Variants in AOC1 observed in about 807,000 individuals in gnomAD.
AOC1 encodes diamine oxidase [copper-containing].
Under a neutral mutation model 57.1 loss-of-function variants are expected in AOC1, and 58 were observed. The ratio of observed to expected loss-of-function variants is 1.02; its 90% CI spans 0.82 to 1.26. The LOEUF is 1.26. Among genes scored for constraint, AOC1 ranks in the 50% most tolerant of loss-of-function variants. The pLI is 0.00. For missense variants in AOC1, 917 were observed against 1,005.3 expected, an observed-to-expected ratio of 0.91 and a Z score of 1.19; for synonymous variants, 401 against 423.4, an observed-to-expected ratio of 0.95 and a Z score of 0.65.
chr7:150,853,134 G>A (rs1799668203), intron 1 of AOC1, among the ~76,000 whole-genome samples: 1 of 152,222 alleles, frequency 6.6e-6, no homozygotes, highest in African/African-American at 2.4e-5. Context: ...AAGAGGTGGA[G>A]CACAGAAGAT....
In AOC1 at chr7:150,857,171, A is replaced by G. The variant is rs758263478; in HGVS notation, c.701A>G (p.Glu234Gly). The G allele has an allele frequency of 2.5e-6, 4 of 1,613,672 alleles. No homozygotes were observed. In the African/African-American group the frequency reaches 5.3e-5, roughly 22 times the overall value. Residue 234 changes from glutamate (E) to glycine (G), a missense_variant, in exon 2 of 5, where the codon GAG (glutamate) becomes GGG (glycine). Coordinates refer to ENST00000360937, the MANE Select transcript of AOC1 (RefSeq NM_001091.4). This position sits in a 1 kb window ranked among gnomAD's most constrained non-coding sequence, Gnocchi z 6.6. Reference sequence around the variant, plus strand: ...ACAGATGCTGGGCACTGGGCCGTGGAGCAGGTGTGGTACAACGGGAAGTTC... The same window carrying G: ...ACAGATGCTGGGCACTGGGCCGTGGGGCAGGTGTGGTACAACGGGAAGTTC... ...GSTDAGHWAV[E>G]QVWYNGKFYG...
Position 150,857,807 on chromosome 7 carries a change from AG to A in AOC1, c.1340del (p.Gly447AlafsTer28). The part of the protein sequence containing the change: ...KGGFNFYAGL[K>X]GQVLVLRTTS... ...GGCTTCAACTTCTATGCGGGGCTGA[AG>A]GGCCAGGTGCTGGTGCTGCGGACAA... is the stretch of plus-strand genomic sequence containing the variant. On this transcript the variant is annotated frameshift_variant, in exon 2 of 5. Coordinates refer to ENST00000360937, the MANE Select transcript of AOC1 (RefSeq NM_001091.4). LOFTEE classifies it high-confidence loss of function. This position sits in a 1 kb window ranked among gnomAD's most constrained non-coding sequence, Gnocchi z 6.6. 1 of 1,614,184 alleles carries A rather than the reference AG, an allele frequency of 6.2e-7. No homozygotes were observed. The highest frequency in any genetic ancestry group is 8.5e-7 in the Non-Finnish European group (1 of 1,179,996).
Position 150,857,087 on chromosome 7 carries a change from A to G in AOC1, c.617A>G (p.Tyr206Cys). Reference protein sequence around the residue: ...QRRSWLIIQRYVEGYFLHPTG... With the variant: ...QRRSWLIIQRCVEGYFLHPTG... The stretch of plus-strand genomic sequence containing the variant: ...CGCAGTTGGCTTATCATACAGCGCT[A>G]TGTAGAAGGCTACTTTCTGCACCCC... Residue 206 changes from tyrosine to cysteine, a missense_variant, in exon 2 of 5, where the codon TAT becomes TGT. Tyr to Cys is a radical substitution (Grantham distance 194). Coordinates refer to ENST00000360937, the MANE Select transcript of AOC1 (RefSeq NM_001091.4). The surrounding 1 kb of genome is among the most constrained non-coding windows in gnomAD (Gnocchi z 6.6). 6.2e-7 allele frequency: 1 copy of G among 1,614,062 alleles called. No homozygotes were observed. The highest frequency in any genetic ancestry group is 8.5e-7 in the Non-Finnish European group (1 of 1,179,994).
intron 3 of AOC1, chr7:150,859,980 AC>A (rs1317710212): frequency 6.4e-6 from 1 of 156,108 alleles, no homozygotes; most frequent in Non-Finnish European, 1.4e-5. Context: ...GGAGTTCGAG[AC>A]CAGCCTGGCC....
rs1799803032 is a variant in AOC1, at chr7:150,857,108, AC to A, written c.642del (p.Thr215LeufsTer83). 6.2e-7 allele frequency: 1 copy of A among 1,614,006 alleles called. No homozygotes were observed. Among genetic ancestry groups the A allele is most frequent in the Non-Finnish European group, 8.5e-7 (1 of 1,179,990 alleles). ...CGCTATGTAGAAGGCTACTTTCTGC[AC>A]CCCACTGGGCTGGAGCTCCTCGTGG... ...IQRYVEGYFL[H>X]PTGLELLVDH... is the part of the protein sequence containing the mutation. On this transcript the variant is annotated frameshift_variant, in exon 2 of 5. Coordinates refer to ENST00000360937, the MANE Select transcript of AOC1 (RefSeq NM_001091.4). LOFTEE classifies it high-confidence loss of function. The surrounding 1 kb of genome is among the most constrained non-coding windows in gnomAD (Gnocchi z 6.6).
Position 150,857,829 on chromosome 7 carries a change from GACA to G in AOC1, c.1362_1364del (p.Thr455del), listed in dbSNP as rs1353136019. 2 of 1,614,036 alleles carry G rather than the reference GACA, an allele frequency of 1.2e-6. No individual in the cohort carries two copies. The highest frequency in any genetic ancestry group is 1.7e-6 in the Non-Finnish European group (2 of 1,179,980). Reference sequence around the variant, plus strand: ...TGAAGGGCCAGGTGCTGGTGCTGCGGACAACTTCAACTGTCTACAATTATGATT... The same window carrying G: ...TGAAGGGCCAGGTGCTGGTGCTGCGGACTTCAACTGTCTACAATTATGATT... On this transcript the variant is annotated inframe_deletion, in exon 2 of 5. Transcript: ENST00000360937. The surrounding 1 kb of genome is among the most constrained non-coding windows in gnomAD (Gnocchi z 6.6).
intron 3 of AOC1, among the ~76,000 whole-genome samples, chr7:150,859,306 C>A (rs1419107371): frequency 6.6e-6 from 1 of 152,138 alleles, no homozygotes; most frequent in East Asian, 1.9e-4. Flanking sequence ...TAACCGGAAG[C>A]CTTACCACTA....
chr7:150,860,373 C>CA (rs897171031), intron 3 of AOC1, 128 bp from the exon 4 acceptor site: 34 of 1,517,464 alleles, frequency 2.2e-5, no homozygotes, highest in Non-Finnish European at 2.9e-5. Flanking sequence ...ACTCCCAGGA[C>CA]AGATGATCTG....
intron 1 of AOC1, among the ~76,000 whole-genome samples, chr7:150,855,717 GGCTGGTGTCGATA>G (rs1799750351): frequency 6.6e-6 from 1 of 152,272 alleles, no homozygotes; most frequent in South Asian, 2.1e-4. Flanking sequence ...ACTTTAAATG[GGCTGGTGTCGATA>G]GCCTGTATTT....
At position 150,857,683 on chromosome 7, in the gene AOC1, G is replaced by T. The variant is rs565478682; in HGVS notation, c.1213G>T (p.Asp405Tyr). 8.7e-6 allele frequency: 14 copies of T among 1,614,096 alleles called. No individual in the cohort carries two copies. Among genetic ancestry groups the T allele is most frequent in the East Asian group, 2.2e-5 (1 of 44,870 alleles). Reference protein sequence around the residue: ...ATFLDTFHYYDADDPVHYPRA... With the variant: ...ATFLDTFHYYYADDPVHYPRA... ...CTTCCTGGACACTTTCCACTACTAT[G>T]ATGCCGATGACCCGGTCCATTATCC... The change falls in exon 2 of 5, where the codon GAT (aspartate) becomes TAT (tyrosine). Residue 405 changes from aspartate to tyrosine, a missense_variant. Asp to Tyr is a radical substitution (Grantham distance 160). Transcript: ENST00000360937. This position sits in a 1 kb window ranked among gnomAD's most constrained non-coding sequence, Gnocchi z 6.6.
Position 150,857,175 on chromosome 7 carries a change from G to T in AOC1, c.705G>T (p.Gln235His), listed in dbSNP as rs750624280. The T allele has an allele frequency of 3.7e-6, 6 of 1,613,714 alleles. No individual in the cohort carries two copies. In the Admixed American group the frequency reaches 1.0e-4, roughly 27 times the overall value. Residue 235 changes from glutamine to histidine, a missense_variant, in exon 2 of 5, where the codon CAG becomes CAT. Coordinates refer to ENST00000360937, the MANE Select transcript of AOC1 (RefSeq NM_001091.4). This position sits in a 1 kb window ranked among gnomAD's most constrained non-coding sequence, Gnocchi z 6.6. ...ATGCTGGGCACTGGGCCGTGGAGCA[G>T]GTGTGGTACAACGGGAAGTTCTATG... ...STDAGHWAVE[Q>H]VWYNGKFYGS... is the part of the protein sequence containing the mutation.
chr7:150,857,233 G>A lies in AOC1; in HGVS notation c.763G>A (p.Asp255Asn). 1 of 1,612,484 alleles carries A rather than the reference G, an allele frequency of 6.2e-7. No individual in the cohort carries two copies. The highest frequency in any genetic ancestry group is 8.5e-7 in the Non-Finnish European group (1 of 1,179,082). Residue 255 changes from aspartate to asparagine, a missense_variant, in exon 2 of 5, where the codon GAT (aspartate) becomes AAT (asparagine). Transcript: ENST00000360937. The surrounding 1 kb of genome is among the most constrained non-coding windows in gnomAD (Gnocchi z 6.6). The part of the protein sequence containing the change: ...SPEELARKYA[D>N]GEVDVVVLED... ...AGAGGAACTGGCTCGGAAGTATGCA[G>A]ATGGAGAGGTGGACGTGGTGGTCCT... is the stretch of plus-strand genomic sequence containing the variant.
At chr7:150,859,077 G>C in intron 3 of AOC1, 29 bp downstream of exon 3, 1 of 1,513,214 alleles carries the variant, frequency 6.6e-7, no homozygotes, top group Non-Finnish European at 8.9e-7. Flanking sequence ...GCCTGGGGGA[G>C]GGTCAGTGGC....
intron 1 of AOC1, among the ~76,000 whole-genome samples, chr7:150,853,426 C>A (rs1799676355): frequency 6.6e-6 from 1 of 151,576 alleles, no homozygotes; most frequent in Non-Finnish European, 1.5e-5. Flanking sequence ...TTAAAAGACT[C>A]CTATTTAAAA....
At chr7:150,860,114 G>T (rs1010170141) in intron 3 of AOC1, among the ~76,000 whole-genome samples, 2 of 151,910 alleles carry the variant, frequency 1.3e-5, no homozygotes, top group Non-Finnish European at 1.5e-5. Context: ...GGGAGGCAGA[G>T]GTTGCAGTGA....
Position 150,858,022 on chromosome 7 carries a change from G to A in AOC1, c.1552G>A (p.Val518Ile), listed in dbSNP as rs755107279. ...ACACACTCACTTGGTGCACTACCGCGTAGACCTGGATGTGGCAGGTAGGAC... is the reference window on the plus strand; with the variant it reads ...ACACACTCACTTGGTGCACTACCGCATAGACCTGGATGTGGCAGGTAGGAC... ...NIHTHLVHYR[V>I]DLDVAGTKNS... The change falls in exon 2 of 5, where the codon GTA (valine) becomes ATA (isoleucine). Residue 518 changes from valine (V) to isoleucine (I), a missense_variant. Coordinates refer to ENST00000360937, the MANE Select transcript of AOC1 (RefSeq NM_001091.4). 80 of 1,527,320 alleles carry A rather than the reference G, an allele frequency of 5.2e-5. No individual in the cohort carries two copies. Among genetic ancestry groups the A allele is most frequent in the South Asian group, 2.5e-4 (20 of 78,824 alleles). The allele number at this position is 1,527,320 out of a possible 1,614,324, so 94.6% of individuals were successfully genotyped here. A position where few individuals can be genotyped will look rare whatever the true frequency, so the allele number is the denominator to read the frequency against.
rs779919726 is a variant in AOC1, at chr7:150,861,128, C to T, written c.2175C>T (p.Tyr725=). ...IVWPRDNGPN[Y]VQRWIPEDRD... ...GGCCTCGGGACAACGGCCCCAACTACGTCCAGCGCTGGATCCCTGAGGACA... is the reference window on the plus strand; with the variant it reads ...GGCCTCGGGACAACGGCCCCAACTATGTCCAGCGCTGGATCCCTGAGGACA... The change falls in exon 5 of 5, where the codon TAC becomes TAT. Residue 725 remains tyrosine (Y), a synonymous_variant. Transcript: ENST00000360937. This position sits in a 1 kb window ranked among gnomAD's most constrained non-coding sequence, Gnocchi z 4.5. 3.8e-5 allele frequency: 61 copies of T among 1,613,982 alleles called. No individual in the cohort carries two copies. The highest frequency in any genetic ancestry group is 1.6e-4 in the East Asian group (7 of 44,884).
In AOC1 at chr7:150,861,402, AG is replaced by A; in HGVS notation, c.*194del. 1 of 596,198 alleles carries A rather than the reference AG, an allele frequency of 1.7e-6. No individual in the cohort carries two copies. The highest frequency in any genetic ancestry group is 2.8e-6 in the Non-Finnish European group (1 of 355,772). 36.9% of individuals were successfully genotyped at this position (596,198 alleles called of 1,614,324 possible). Reference sequence around the variant, plus strand: ...CACACACAGACATGCACACACACACAGACGTGCACACACACAGACGTGCACG... The same window carrying A: ...CACACACAGACATGCACACACACACAACGTGCACACACACAGACGTGCACG... On this transcript the variant is annotated 3_prime_UTR_variant, in exon 5 of 5. Transcript: ENST00000360937. The surrounding 1 kb of genome is among the most constrained non-coding windows in gnomAD (Gnocchi z 4.5).
Position 150,856,590 on chromosome 7 carries a change from G to A in AOC1, c.120G>A (p.Glu40=). 1.9e-6 allele frequency: 3 copies of A among 1,614,146 alleles called. No individual in the cohort carries two copies. Among genetic ancestry groups the A allele is most frequent in the Non-Finnish European group, 2.5e-6 (3 of 1,179,982 alleles). Reference sequence around the variant, plus strand: ...TGTTTTCAGACCTAAGCAACCAAGAGCTGAAGGCAGTGCACAGCTTCCTCT... The same window carrying A: ...TGTTTTCAGACCTAAGCAACCAAGAACTGAAGGCAGTGCACAGCTTCCTCT... ...AGVFSDLSNQ[E]LKAVHSFLWS... The change falls in exon 2 of 5, where the codon GAG becomes GAA. Residue 40 remains glutamate, a synonymous_variant. Coordinates refer to ENST00000360937, the MANE Select transcript of AOC1 (RefSeq NM_001091.4). This position sits in a 1 kb window ranked among gnomAD's most constrained non-coding sequence, Gnocchi z 5.2.
Sources: allele counts gnomAD v4.1 joint callset (sites outside exome capture counted in the v4.1 genomes callset), GRCh38; gene constraint gnomAD v4.1.1; non-coding constraint Gnocchi (gnomAD v3.1); transcripts MANE v1.5; gene names NCBI Gene and HGNC (gene_info 2026-07-23, HGNC 2026-07-21).